Variants in ZNF521 observed in about 807,000 individuals in gnomAD.
ZNF521 encodes zinc finger protein 521.
Under a neutral mutation model 105.5 loss-of-function variants are expected in ZNF521, and 14 were observed. The ratio of observed to expected loss-of-function variants is 0.13; its 90% CI spans 0.09 to 0.21. ZNF521 has a LOEUF of 0.21. Among genes scored for constraint, ZNF521 ranks in the 10% least tolerant of loss-of-function variants. The probability of loss-of-function intolerance (pLI) is 1.00; values close to 1 mark genes in which losing one functional copy is unlikely to be tolerated. For missense variants in ZNF521, 1,233 were observed against 1,629.7 expected, an observed-to-expected ratio of 0.76 and a Z score of 4.19; for synonymous variants, 635 against 606.0, an observed-to-expected ratio of 1.05 and a Z score of -0.70.
chr18:25,120,618 CA>C (rs1218789043), intron 5 of ZNF521, among the ~76,000 whole-genome samples: 3,092 of 147,282 alleles, frequency 0.021, 112 homozygotes, highest in African/African-American at 0.074. Context: ...AACAAACAAA[CA>C]AACAAACAAA....
intron 3 of ZNF521, among the ~76,000 whole-genome samples, chr18:25,242,169 T>C (rs1295310526): frequency 1.3e-5 from 2 of 152,154 alleles, no homozygotes; most frequent in African/African-American, 4.8e-5. Flanking sequence ...AAGGAGCAAT[T>C]TGGAGGAATT....
chr18:25,133,766 C>A (rs555082883), intron 5 of ZNF521, among the ~76,000 whole-genome samples: 1 of 151,910 alleles, frequency 6.6e-6, no homozygotes, highest in Non-Finnish European at 1.5e-5. Flanking sequence ...GCTGATTGAA[C>A]AATAGTTTTC....
At chr18:25,284,284 CTATG>C (rs1159508724) in intron 3 of ZNF521, among the ~76,000 whole-genome samples, 17 of 152,152 alleles carry the variant, frequency 1.1e-4, no homozygotes, top group Non-Finnish European at 1.8e-4. Flanking sequence ...CCCTCAAGCC[CTATG>C]TATGTATGAT....
intron 5 of ZNF521, among the ~76,000 whole-genome samples, chr18:25,142,435 C>A (rs928610061): frequency 7.9e-5 from 12 of 152,144 alleles, no homozygotes; most frequent in Non-Finnish European, 1.6e-4. Flanking sequence ...GAAATAACAT[C>A]ATCGGAACTG....
chr18:25,080,620 C>T (rs892223395), intron 7 of ZNF521, among the ~76,000 whole-genome samples: 8 of 152,174 alleles, frequency 5.3e-5, no homozygotes, highest in South Asian at 2.1e-4. Flanking sequence ...CCCGGCTGTC[C>T]GAGGGATCGC....
At chr18:25,125,168 G>A (rs1253079721) in intron 5 of ZNF521, among the ~76,000 whole-genome samples, 5 of 151,972 alleles carry the variant, frequency 3.3e-5, no homozygotes, top group Admixed American at 1.3e-4. Context: ...CAAAGGAAAC[G>A]GTGGATTTTC....
intron 7 of ZNF521, among the ~76,000 whole-genome samples, chr18:25,079,133 G>A (rs577672472): frequency 6.6e-6 from 1 of 152,342 alleles, no homozygotes; most frequent in East Asian, 1.9e-4. Flanking sequence ...CAGAGTGGGT[G>A]GCATCGCATG....
rs140894574 is a variant in ZNF521, at chr18:25,297,135, A to C, written c.220+24873T>G. 1.3e-3 allele frequency among the ~76,000 whole-genome samples: 196 copies of C among 151,270 alleles called. 2 individuals carry two copies. The highest frequency in any genetic ancestry group is 4.7e-3 in the African/African-American group (192 of 40,920). On this transcript the variant is annotated intron_variant, in intron 3 of 7. Transcript: ENST00000361524. ...TACATGTCCCTTTATACACACACAC[A>C]CACACACATATATATATATACTGAA...
At chr18:25,236,532 T>A (rs1906906766) in intron 3 of ZNF521, among the ~76,000 whole-genome samples, 2 of 125,956 alleles carry the variant, frequency 1.6e-5, no homozygotes, top group African/African-American at 3.6e-5. Flanking sequence ...TGAGACTCCA[T>A]CTCAAAAAAA....
chr18:25,271,560 CA>C (rs1909662982), intron 3 of ZNF521, among the ~76,000 whole-genome samples: 1 of 152,084 alleles, frequency 6.6e-6, no homozygotes, highest in Non-Finnish European at 1.5e-5. Context: ...GTACTGGTAC[CA>C]AAACAGATAT....
chr18:25,297,989 G>A (rs1392414548), intron 3 of ZNF521, among the ~76,000 whole-genome samples: 1 of 152,032 alleles, frequency 6.6e-6, no homozygotes, highest in African/African-American at 2.4e-5. Context: ...ATTTACTGGG[G>A]ACTCTCTATG....
At chr18:25,074,473 T>C (rs1237172109) in intron 7 of ZNF521, among the ~76,000 whole-genome samples, 1 of 152,182 alleles carries the variant, frequency 6.6e-6, no homozygotes, top group Admixed American at 6.5e-5. Context: ...TGTTATTGTG[T>C]ATTGTTGAAA....
At chr18:25,191,060 C>A (rs2035809444) in intron 5 of ZNF521, among the ~76,000 whole-genome samples, 1 of 152,126 alleles carries the variant, frequency 6.6e-6, no homozygotes, top group African/African-American at 2.4e-5. Flanking sequence ...TAACATTACA[C>A]TTGATCTATC....
chr18:25,248,128 C>A (rs1385642461), intron 3 of ZNF521, among the ~76,000 whole-genome samples: 3 of 152,082 alleles, frequency 2.0e-5, no homozygotes, highest in African/African-American at 7.2e-5. Flanking sequence ...TACTTAAAGT[C>A]AGCTATCTTG....
At chr18:25,068,421 T>C (rs1599956721) in intron 7 of ZNF521, among the ~76,000 whole-genome samples, 1 of 152,226 alleles carries the variant, frequency 6.6e-6, no homozygotes, top group Non-Finnish European at 1.5e-5. Flanking sequence ...TATATTCTAG[T>C]TCACATACAG....
intron 2 of ZNF521, among the ~76,000 whole-genome samples, chr18:25,342,077 G>A (rs1333708083): frequency 2.0e-5 from 3 of 152,122 alleles, no homozygotes; most frequent in Non-Finnish European, 4.4e-5. Flanking sequence ...GTATGCCCCC[G>A]TGCTCTTCCT....
rs140736053 is a variant in ZNF521, at chr18:25,105,810, C to A, written c.3659-13729G>T. Among the ~76,000 whole-genome samples the A allele has an allele frequency of 1.5e-3, 233 of 152,236 alleles. 2 individuals are homozygous for A. Among genetic ancestry groups the A allele is most frequent in the African/African-American group, 5.1e-3 (211 of 41,542 alleles). ...ATTTTTAGTTAAATCGTGTATGATGCTTAGTTTACTGGGTCCCTATGCCCA... is the reference window on the plus strand; with the variant it reads ...ATTTTTAGTTAAATCGTGTATGATGATTAGTTTACTGGGTCCCTATGCCCA... On this transcript the variant is annotated intron_variant, in intron 5 of 7. Coordinates refer to ENST00000361524, the MANE Select transcript of ZNF521 (RefSeq NM_015461.3).
intron 2 of ZNF521, among the ~76,000 whole-genome samples, chr18:25,344,044 T>C (rs186167986): frequency 1.3e-5 from 2 of 152,274 alleles, no homozygotes; most frequent in African/African-American, 4.8e-5. Context: ...GCTTGATCAT[T>C]ATCCCTGCTA....
intron 5 of ZNF521, among the ~76,000 whole-genome samples, chr18:25,095,373 T>C (rs1020697166): frequency 6.6e-6 from 1 of 152,084 alleles, no homozygotes; most frequent in Non-Finnish European, 1.5e-5. Context: ...TGACAGTAAT[T>C]GGATAATACA....
Sources: gnomAD v4.1 joint callset for allele counts (sites outside exome capture counted in the v4.1 genomes callset) on GRCh38, gnomAD v4.1.1 for gene constraint, MANE v1.5 for transcripts, NCBI Gene and HGNC (gene_info 2026-07-23, HGNC 2026-07-21) for gene names.